The following AKAP13 variants were observed in gnomAD, a reference collection of about 807,000 sequenced individuals.
AKAP13 encodes the protein A-kinase anchor protein 13.
AKAP13 carries 80 observed loss-of-function variants against 264.5 expected under a neutral mutation model. The ratio of observed to expected loss-of-function variants is 0.30; its 90% CI spans 0.25 to 0.36. The LOEUF (loss-of-function observed/expected upper bound fraction) is 0.36. Among genes scored for constraint, AKAP13 ranks in the 10% least tolerant of loss-of-function variants. The pLI is 1.00. For missense variants in AKAP13, 3,712 were observed against 3,435.2 expected (o/e 1.08, Z -2.01); for synonymous variants, 1,380 against 1,250.2 (o/e 1.10, Z -2.19).
intron 1 of AKAP13, among the ~76,000 whole-genome samples, chr15:85,410,635 C>T (rs997590610): frequency 4.0e-5 from 6 of 151,542 alleles, no homozygotes; most frequent in Non-Finnish European, 8.8e-5. Flanking sequence ...CATTTCTCTT[C>T]TGCGACTCTC....
intron 8 of AKAP13, among the ~76,000 whole-genome samples, chr15:85,596,521 C>T (rs1313665464): frequency 6.6e-6 from 1 of 151,984 alleles, no homozygotes; most frequent in East Asian, 1.9e-4. Context: ...GAGGTGGAGG[C>T]TGCGGTGACC....
chr15:85,686,145 C>CTGTGTG (rs36166313), intron 16 of AKAP13, among the ~76,000 whole-genome samples: 9,506 of 149,488 alleles, frequency 0.064, 982 homozygotes, highest in African/African-American at 0.22. Context: ...CAAGGAATCA[C>CTGTGTG]TGTGTGTGTG....
At chr15:85,502,180 G>A (rs2076055235) in intron 2 of AKAP13, among the ~76,000 whole-genome samples, 1 of 152,166 alleles carries the variant, frequency 6.6e-6, no homozygotes, top group African/African-American at 2.4e-5. Flanking sequence ...TGTAGAGAAA[G>A]TGTATGTGCT....
intron 8 of AKAP13, among the ~76,000 whole-genome samples, chr15:85,613,676 G>A (rs1438964876): frequency 1.4e-4 from 6 of 41,876 alleles, no homozygotes; most frequent in Admixed American, 6.5e-4. Context: ...GCCAGACTCC[G>A]TCTAAAAAAA....
intron 36 of AKAP13, chr15:85,744,219 A>C: frequency 3.4e-6 from 1 of 294,394 alleles, no homozygotes; most frequent in Non-Finnish European, 6.4e-6. Flanking sequence ...AAGAGAAGTG[A>C]GGAAACTGAG....
chr15:85,571,632 G>A (rs755576929), intron 5 of AKAP13, among the ~76,000 whole-genome samples: 5 of 152,216 alleles, frequency 3.3e-5, no homozygotes, highest in African/African-American at 9.6e-5. Flanking sequence ...TTTAATCTCT[G>A]TAGCACTTGC....
In AKAP13 at chr15:85,483,220, C is replaced by A. The variant is rs112927223; in HGVS notation, c.-11-2490C>A. ...ACGAAACATCAGAGGGCTGCTAAGT[C>A]ACTAGTTTGTCTCTGTAGATTTCTC... On this transcript the variant is annotated intron_variant, in intron 1 of 36. Coordinates refer to ENST00000394518, the MANE Select transcript of AKAP13 (RefSeq NM_007200.5). Among the ~76,000 whole-genome samples the A allele has an allele frequency of 2.0e-3, 300 of 152,312 alleles. 2 individuals carry two copies. Among genetic ancestry groups the A allele is most frequent in the Middle Eastern group, 3.4e-3 (1 of 294 alleles).
At chr15:85,466,838 T>C (rs2074758931) in intron 1 of AKAP13, among the ~76,000 whole-genome samples, 1 of 152,238 alleles carries the variant, frequency 6.6e-6, no homozygotes, top group South Asian at 2.1e-4. Context: ...AAAGATCCTT[T>C]GATCTTTTTC....
At chr15:85,666,433 GA>G (rs374774254) in intron 13 of AKAP13, among the ~76,000 whole-genome samples, 211 of 88,068 alleles carry the variant, frequency 2.4e-3, no homozygotes, top group African/African-American at 9.5e-3. Flanking sequence ...CCCTTTGTCA[GA>G]GGGGTAGATT....
intron 1 of AKAP13, among the ~76,000 whole-genome samples, chr15:85,402,818 G>T (rs1461147803): frequency 6.6e-6 from 1 of 152,200 alleles, no homozygotes; most frequent in African/African-American, 2.4e-5. Context: ...CCCACAGCCA[G>T]AAGTGCAAGA....
Position 85,409,206 on chromosome 15 carries a change from T to C in AKAP13, c.-12+28408T>C, listed in dbSNP as rs553318380. Among the ~76,000 whole-genome samples the C allele has an allele frequency of 5.9e-5, 9 of 151,788 alleles. No homozygotes were observed. In the South Asian group the frequency reaches 1.2e-3, roughly 21 times the overall value. Reference sequence around the variant, plus strand: ...ATTTAATTATTTTTTTGAGATGGAGTTTCACTCGTCGCCTAGCCTGGAGTG... The same window carrying C: ...ATTTAATTATTTTTTTGAGATGGAGCTTCACTCGTCGCCTAGCCTGGAGTG... On this transcript the variant is annotated intron_variant, in intron 1 of 36. Transcript: ENST00000394518.
chr15:85,722,380 T>A, intron 25 of AKAP13, 33 bp downstream of exon 25: 4 of 1,540,912 alleles, frequency 2.6e-6, no homozygotes, highest in Non-Finnish European at 3.5e-6. Flanking sequence ...TCTTGTATGG[T>A]CATGGACTGT....
intron 8 of AKAP13, among the ~76,000 whole-genome samples, chr15:85,605,539 G>A (rs2080285420): frequency 6.6e-6 from 1 of 152,084 alleles, no homozygotes; most frequent in Non-Finnish European, 1.5e-5. Flanking sequence ...TTAATACCTG[G>A]GTTGATGGAT....
chr15:85,598,393 C>T (rs376229631), intron 8 of AKAP13, among the ~76,000 whole-genome samples: 3 of 152,258 alleles, frequency 2.0e-5, no homozygotes, highest in Non-Finnish European at 2.9e-5. Context: ...CATTCCACCC[C>T]GTGAAAGCCA....
In AKAP13 at chr15:85,684,544, C is replaced by T. The variant is rs1283944056; in HGVS notation, c.5157-197C>T. 40 of 556,634 alleles carry T rather than the reference C, an allele frequency of 7.2e-5. No individual in the cohort carries two copies. The Admixed American group carries it at 1.3e-3, about 18-fold the overall frequency. The allele number at this position is 556,634 out of a possible 1,614,324, so 34.5% of individuals were successfully genotyped here. On this transcript the variant is annotated intron_variant, in intron 15 of 36. Coordinates refer to ENST00000394518, the MANE Select transcript of AKAP13 (RefSeq NM_007200.5). ...ACACCACTCAGAGCAAGACTGTCTC[C>T]AAAACAGACAAGTGAACAAGAAAAC...
chr15:85,454,151 C>A (rs921642403), intron 1 of AKAP13, among the ~76,000 whole-genome samples: 2 of 152,156 alleles, frequency 1.3e-5, no homozygotes, highest in African/African-American at 4.8e-5. Context: ...CCCCTGGATT[C>A]AGCCTCTTTC....
At chr15:85,414,343 A>C (rs2072130735) in intron 1 of AKAP13, among the ~76,000 whole-genome samples, 1 of 152,240 alleles carries the variant, frequency 6.6e-6, no homozygotes, top group African/African-American at 2.4e-5. Flanking sequence ...ATGAGGGACA[A>C]ACAAAATGAG....
At chr15:85,477,514 C>G (rs543019112) in intron 1 of AKAP13, among the ~76,000 whole-genome samples, 2 of 151,846 alleles carry the variant, frequency 1.3e-5, no homozygotes, top group Non-Finnish European at 2.9e-5. Flanking sequence ...CCCAACAGAT[C>G]CTTGCTGTGT....
At chr15:85,586,426 C>T (rs1043782489) in intron 8 of AKAP13, among the ~76,000 whole-genome samples, 29 of 152,124 alleles carry the variant, frequency 1.9e-4, no homozygotes, top group South Asian at 2.1e-4. Context: ...AGGCTGTTTT[C>T]GAACTGGCCT....
Sources: gnomAD v4.1 joint callset for allele counts (sites outside exome capture counted in the v4.1 genomes callset) on GRCh38, gnomAD v4.1.1 for gene constraint, MANE v1.5 for transcripts, NCBI Gene and HGNC (gene_info 2026-07-23, HGNC 2026-07-21) for gene names.